Variants in GRID2 observed in about 807,000 individuals in gnomAD.
The protein encoded by GRID2 is glutamate receptor ionotropic, delta-2.
Under a neutral mutation model 114.8 loss-of-function variants are expected in GRID2, and 33 were observed. The ratio of observed to expected loss-of-function variants is 0.29; its 90% confidence interval spans 0.22 to 0.38. The LOEUF is 0.38. Among genes scored for constraint, GRID2 ranks in the 10% least tolerant of loss-of-function variants. The pLI, the probability that GRID2 is intolerant of heterozygous loss-of-function variation, is 1.00. For missense variants in GRID2, 1,184 were observed against 1,257.7 expected (o/e 0.94, Z 0.89); for synonymous variants, 505 against 449.9 (o/e 1.12, Z -1.55).
chr4:92,869,620 G>A (rs1481066766), intron 2 of GRID2, among the ~76,000 whole-genome samples: 1 of 152,090 alleles, frequency 6.6e-6, no homozygotes, highest in Non-Finnish European at 1.5e-5. Context: ...GGCTTATAAA[G>A]CCCGACATTA....
chr4:93,518,051 T>C (rs920305111), intron 13 of GRID2, among the ~76,000 whole-genome samples: 1 of 122,632 alleles, frequency 8.2e-6, no homozygotes, highest in Non-Finnish European at 1.7e-5. Flanking sequence ...ACGCATATAC[T>C]ATATATGTAT....
At chr4:92,697,071 G>C (rs971017341) in intron 2 of GRID2, among the ~76,000 whole-genome samples, 3 of 152,214 alleles carry the variant, frequency 2.0e-5, no homozygotes, top group Non-Finnish European at 4.4e-5. Flanking sequence ...ACAGTGGCAT[G>C]AGCCTTAAAT....
chr4:93,650,238 A>G (rs1045352416), intron 14 of GRID2, among the ~76,000 whole-genome samples: 7 of 152,214 alleles, frequency 4.6e-5, no homozygotes, highest in African/African-American at 1.2e-4. Flanking sequence ...AATTCACTGG[A>G]AAGTGGGGAA....
chr4:93,491,608 C>A (rs766655071), intron 12 of GRID2, among the ~76,000 whole-genome samples: 4 of 151,840 alleles, frequency 2.6e-5, no homozygotes, highest in Non-Finnish European at 5.9e-5. Flanking sequence ...CATCCCCAAA[C>A]AAGGTAAGTT....
chr4:93,194,297 G>A (rs1030767183), intron 4 of GRID2, among the ~76,000 whole-genome samples: 3 of 152,154 alleles, frequency 2.0e-5, no homozygotes, highest in African/African-American at 7.2e-5. Context: ...TAGAAAATAT[G>A]TGTCATCAAA....
chr4:93,506,845 C>T (rs1273170951), intron 12 of GRID2, among the ~76,000 whole-genome samples: 1 of 152,146 alleles, frequency 6.6e-6, no homozygotes, highest in South Asian at 2.1e-4. Context: ...CTTCCAAAGG[C>T]TTCTGCTGTG....
At chr4:93,622,651 T>C (rs1742315804) in intron 13 of GRID2, among the ~76,000 whole-genome samples, 1 of 152,116 alleles carries the variant, frequency 6.6e-6, no homozygotes, top group Admixed American at 6.5e-5. Flanking sequence ...GGGAAAAAAC[T>C]TTTGTCTGTT....
intron 14 of GRID2, among the ~76,000 whole-genome samples, chr4:93,646,317 T>G (rs1722107378): frequency 6.6e-6 from 1 of 152,032 alleles, no homozygotes; most frequent in African/African-American, 2.4e-5. Context: ...CAACCTCAAA[T>G]GGAAATTTTG....
intron 2 of GRID2, among the ~76,000 whole-genome samples, chr4:92,776,851 A>G (rs1738826134): frequency 6.6e-6 from 1 of 152,104 alleles, no homozygotes; most frequent in African/African-American, 2.4e-5. Context: ...GTATATCAGT[A>G]TGCCCCTGAT....
intron 8 of GRID2, among the ~76,000 whole-genome samples, chr4:93,303,529 A>G (rs531626995): frequency 6.6e-6 from 1 of 152,246 alleles, no homozygotes; most frequent in African/African-American, 2.4e-5. Flanking sequence ...TAACACCACT[A>G]CTAGCATTGA....
intron 2 of GRID2, among the ~76,000 whole-genome samples, chr4:93,042,293 C>A (rs1229390172): frequency 6.9e-5 from 6 of 86,536 alleles, no homozygotes; most frequent in Non-Finnish European, 1.2e-4. Flanking sequence ...CTCTCTCTCT[C>A]TCTCTCTATA....
intron 8 of GRID2, among the ~76,000 whole-genome samples, chr4:93,327,528 G>A (rs1364202382): frequency 2.0e-5 from 3 of 151,786 alleles, no homozygotes; most frequent in Non-Finnish European, 2.9e-5. Context: ...CAAGACTATT[G>A]TATATATATA....
chr4:92,441,822 G>A (rs373225166), intron 1 of GRID2, among the ~76,000 whole-genome samples: 181 of 148,884 alleles, frequency 1.2e-3, no homozygotes, highest in African/African-American at 4.0e-3. Context: ...AAGGTGGGGG[G>A]ATACAAGAGG....
intron 8 of GRID2, among the ~76,000 whole-genome samples, chr4:93,333,600 A>G (rs1376510337): frequency 1.3e-5 from 2 of 152,188 alleles, no homozygotes; most frequent in African/African-American, 4.8e-5. Context: ...TAAAGACAAT[A>G]CTTAAATATC....
intron 1 of GRID2, among the ~76,000 whole-genome samples, chr4:92,560,280 A>T (rs1469481294): frequency 6.6e-6 from 1 of 151,954 alleles, no homozygotes; most frequent in Non-Finnish European, 1.5e-5. Flanking sequence ...TCCCATTAGA[A>T]CCCCTTTCCT....
chr4:92,403,538 A>G (rs926228748), intron 1 of GRID2, among the ~76,000 whole-genome samples: 1 of 151,888 alleles, frequency 6.6e-6, no homozygotes, highest in African/African-American at 2.4e-5. Context: ...TCTACTAAAA[A>G]TAAATTAGCT....
chr4:92,656,053 T>G (rs1447959752), intron 2 of GRID2, among the ~76,000 whole-genome samples: 1 of 151,878 alleles, frequency 6.6e-6, no homozygotes, highest in East Asian at 1.9e-4. Flanking sequence ...TATGCCGAGT[T>G]TGTTGAACAT....
rs1340645237 is a variant in GRID2 at position 92,667,854 on chromosome 4, GACA to G, written c.244+77573_244+77575del. Reference sequence around the variant, plus strand: ...ATAAGTTGTTTGCGTTTCTAAAACAGACAACAAGATATAGTTAAAATATATTTA... The same window carrying G: ...ATAAGTTGTTTGCGTTTCTAAAACAGACAAGATATAGTTAAAATATATTTA... On this transcript the variant is annotated intron_variant, in intron 2 of 15. Coordinates refer to ENST00000282020, the MANE Select transcript of GRID2 (RefSeq NM_001510.4). Among the ~76,000 whole-genome samples the G allele has an allele frequency of 3.3e-5, 5 of 151,716 alleles. No homozygotes were observed. In the East Asian group the frequency reaches 9.6e-4, roughly 29 times the overall value.
chr4:92,405,522 T>G (rs759051265), intron 1 of GRID2, among the ~76,000 whole-genome samples: 3 of 152,112 alleles, frequency 2.0e-5, no homozygotes, highest in Non-Finnish European at 4.4e-5. Flanking sequence ...GATATTCAAG[T>G]ATTTCTTTTT....
Sources: allele counts gnomAD v4.1 joint callset (sites outside exome capture counted in the v4.1 genomes callset), GRCh38; gene constraint gnomAD v4.1.1; transcripts MANE v1.5; gene names NCBI Gene and HGNC (gene_info 2026-07-23, HGNC 2026-07-21).